The following DNAL1 variants were observed in gnomAD, a reference collection of about 807,000 sequenced individuals.
DNAL1 encodes the protein dynein axonemal light chain 1, also known as chromosome 14 open reading frame 168.
In DNAL1, 17 loss-of-function variants were observed where a neutral mutation model predicts 29.4. The observed-to-expected ratio is 0.58, with a 90% confidence interval of 0.40 to 0.87. DNAL1 has a LOEUF of 0.87. DNAL1 is among the 40% of genes least tolerant of loss of function. The pLI is 0.00. For missense variants in DNAL1, 188 were observed against 214.1 expected, an observed-to-expected ratio of 0.88 and a Z score of 0.76; for synonymous variants, 78 against 76.3, an observed-to-expected ratio of 1.02 and a Z score of -0.12.
At chr14:73,651,857 A>G (rs1198336510) in intron 1 of DNAL1, among the ~76,000 whole-genome samples, 3 of 151,772 alleles carry the variant, frequency 2.0e-5, no homozygotes, top group East Asian at 3.9e-4. Context: ...GGGTTTCACC[A>G]TGTTGGCCAG....
rs149075024 is a variant in DNAL1 at position 73,648,403 on chromosome 14, C to CATATATATATATATATATATAT, written c.3+3375_3+3376insATATATATATATATATATATAT. 4.4e-3 allele frequency among the ~76,000 whole-genome samples: 383 copies of CATATATATATATATATATATAT among 86,722 alleles called. 45 individuals carry two copies. The highest frequency in any genetic ancestry group is 0.017 in the African/African-American group (272 of 15,994). The allele number at this position is 86,722 out of a possible 152,430, so 56.9% of individuals were successfully genotyped here. A position where few individuals can be genotyped will look rare whatever the true frequency, so the allele number is the denominator to read the frequency against. ...CTCGATGTGTTATAACACCTCATTT[C>CATATATATATATATATATATAT]ATATATATATATATTTGTTGTTTGT... On this transcript the variant is annotated intron_variant, in intron 1 of 7. Coordinates refer to ENST00000553645, the MANE Select transcript of DNAL1 (RefSeq NM_031427.4).
intron 1 of DNAL1, among the ~76,000 whole-genome samples, chr14:73,649,921 G>A (rs1201808282): frequency 6.6e-6 from 1 of 151,940 alleles, no homozygotes; most frequent in Non-Finnish European, 1.5e-5. Context: ...TCATCTCTAG[G>A]TTACTTATAC....
intron 5 of DNAL1, among the ~76,000 whole-genome samples, chr14:73,685,223 C>G (rs1194437979): frequency 6.6e-6 from 1 of 152,158 alleles, no homozygotes; most frequent in Non-Finnish European, 1.5e-5. Flanking sequence ...CTCCAGAACT[C>G]TCTTCATCTT....
chr14:73,677,910 GT>G (rs1285778794), intron 5 of DNAL1, among the ~76,000 whole-genome samples: 13 of 132,878 alleles, frequency 9.8e-5, no homozygotes, highest in Non-Finnish European at 2.2e-4. Context: ...GTGTGTGTGT[GT>G]GTGTGATGGT....
chr14:73,690,403 A>G (rs1892141782), intron 7 of DNAL1, among the ~76,000 whole-genome samples: 1 of 152,092 alleles, frequency 6.6e-6, no homozygotes, highest in Admixed American at 6.6e-5. Context: ...CTGTAATCCT[A>G]GCACTTGGGG....
chr14:73,666,373 A>G (rs558903434), intron 4 of DNAL1, among the ~76,000 whole-genome samples: 3 of 152,314 alleles, frequency 2.0e-5, no homozygotes, highest in African/African-American at 7.2e-5. Context: ...ATAATCTTAA[A>G]GATTAGAAAA....
intron 4 of DNAL1, among the ~76,000 whole-genome samples, chr14:73,669,507 C>A (rs999294284): frequency 6.6e-6 from 1 of 151,878 alleles, no homozygotes; most frequent in Non-Finnish European, 1.5e-5. Flanking sequence ...GATCTTCTGA[C>A]CTCGTGATCC....
In DNAL1 at chr14:73,702,919, A is replaced by G. The variant is rs1892470952; in HGVS notation, c.*6977A>G. The G allele has an allele frequency of 6.6e-6, 1 of 151,238 alleles. No individual in the cohort carries two copies. The highest frequency in any genetic ancestry group is 1.5e-5 in the Non-Finnish European group (1 of 67,918). 9.4% of individuals were successfully genotyped at this position (151,238 alleles called of 1,614,324 possible). A position where few individuals can be genotyped will look rare whatever the true frequency, so the allele number is the denominator to read the frequency against. ...CAAGGCAGGAGTTTGAGACCAGCCT[A>G]GGCAACATCGTGAGACCCCATCTCT... is the stretch of plus-strand genomic sequence containing the variant. On this transcript the variant is annotated 3_prime_UTR_variant, in exon 8 of 8. Coordinates refer to ENST00000553645, the MANE Select transcript of DNAL1 (RefSeq NM_031427.4).
intron 5 of DNAL1, among the ~76,000 whole-genome samples, chr14:73,686,189 G>T (rs967410567): frequency 6.6e-6 from 1 of 152,146 alleles, no homozygotes; most frequent in Non-Finnish European, 1.5e-5. Flanking sequence ...ATTTTACAGA[G>T]TAAGAAACTG....
At position 73,696,006 on chromosome 14, in the gene DNAL1, A is replaced by G; in HGVS notation, c.*64A>G. 3 of 1,409,890 alleles carry G rather than the reference A, an allele frequency of 2.1e-6. No individual in the cohort carries two copies. The highest frequency in any genetic ancestry group is 2.1e-4 in the Middle Eastern group (1 of 4,726). The allele number at this position is 1,409,890 out of a possible 1,614,324, so 87.3% of individuals were successfully genotyped here. On this transcript the variant is annotated 3_prime_UTR_variant, in exon 8 of 8. Coordinates refer to ENST00000553645, the MANE Select transcript of DNAL1 (RefSeq NM_031427.4). ...CATAAGAACAATAGATAAATTTTATATAATTGTCTATTTTAAAGATTCTGT... is the reference window on the plus strand; with the variant it reads ...CATAAGAACAATAGATAAATTTTATGTAATTGTCTATTTTAAAGATTCTGT...
intron 5 of DNAL1, among the ~76,000 whole-genome samples, chr14:73,679,028 G>A (rs934315819): frequency 6.6e-6 from 1 of 152,132 alleles, no homozygotes; most frequent in Non-Finnish European, 1.5e-5. Flanking sequence ...ACGGAGTCTC[G>A]CTGCATCCCC....
intron 5 of DNAL1, among the ~76,000 whole-genome samples, chr14:73,677,495 A>G (rs1435602690): frequency 6.6e-6 from 1 of 151,302 alleles, no homozygotes; most frequent in African/African-American, 2.4e-5. Flanking sequence ...TCCATTATCT[A>G]GTCAGTTCTG....
intron 5 of DNAL1, among the ~76,000 whole-genome samples, chr14:73,680,930 G>A (rs1361160407): frequency 1.3e-5 from 2 of 152,158 alleles, no homozygotes; most frequent in Non-Finnish European, 2.9e-5. Flanking sequence ...CATAGAAAAA[G>A]TACAGTAAAA....
chr14:73,693,396 A>G (rs1425297454), intron 7 of DNAL1, among the ~76,000 whole-genome samples: 1 of 152,226 alleles, frequency 6.6e-6, no homozygotes, highest in Non-Finnish European at 1.5e-5. Context: ...GCAGTATATT[A>G]ATAGCTAAAA....
chr14:73,698,317 G>A lies in DNAL1; in HGVS notation c.*2375G>A, dbSNP rs1298059380. 6.6e-6 allele frequency: 1 copy of A among 152,192 alleles called. No individual in the cohort carries two copies. Among genetic ancestry groups the A allele is most frequent in the South Asian group, 2.1e-4 (1 of 4,832 alleles). The allele number at this position is 152,192 out of a possible 1,614,324, so 9.4% of individuals were successfully genotyped here. ...GAACCCATGCCATTAGAAAATGGCAGTTGGGATGTATGAAGAAATGTAGGA... is the reference window on the plus strand; with the variant it reads ...GAACCCATGCCATTAGAAAATGGCAATTGGGATGTATGAAGAAATGTAGGA... On this transcript the variant is annotated 3_prime_UTR_variant, in exon 8 of 8. Transcript: ENST00000553645.
chr14:73,665,898 C>T (rs1313389306), intron 4 of DNAL1, among the ~76,000 whole-genome samples: 1 of 151,922 alleles, frequency 6.6e-6, no homozygotes, highest in Non-Finnish European at 1.5e-5. Flanking sequence ...GGTAGAGACT[C>T]TCAGGAAAAT....
chr14:73,653,391 G>T (rs1008263624), intron 1 of DNAL1, among the ~76,000 whole-genome samples: 2 of 152,094 alleles, frequency 1.3e-5, no homozygotes, highest in Non-Finnish European at 1.5e-5. Flanking sequence ...TTGCCCTGTT[G>T]CCCAGGCTGG....
intron 7 of DNAL1, among the ~76,000 whole-genome samples, chr14:73,690,146 G>T (rs1451083460): frequency 6.6e-6 from 1 of 151,932 alleles, no homozygotes; most frequent in African/African-American, 2.4e-5. Context: ...CAAGAAGATT[G>T]CTTGAGGTCA....
chr14:73,651,152 T>G (rs1891106090), intron 1 of DNAL1: 1 of 152,236 alleles, frequency 6.6e-6, no homozygotes, highest in South Asian at 2.1e-4. Flanking sequence ...TTTCTGTTTC[T>G]TTTTCTTTTT....
Sources: gnomAD v4.1 joint callset for allele counts (sites outside exome capture counted in the v4.1 genomes callset) on GRCh38, gnomAD v4.1.1 for gene constraint, MANE v1.5 for transcripts, NCBI Gene and HGNC (gene_info 2026-07-23, HGNC 2026-07-21) for gene names.